FRMD4B: variants seen among roughly 807,000 people sequenced by gnomAD.
The protein encoded by FRMD4B is FERM domain-containing protein 4B.
A neutral mutation model predicts 141.5 loss-of-function variants in FRMD4B; 74 were observed. The observed-to-expected ratio is 0.52, with a 90% CI of 0.43 to 0.63. The LOEUF (loss-of-function observed/expected upper bound fraction) is 0.63. Ranked by LOEUF, FRMD4B falls within the 30% of genes least tolerant of loss-of-function variation. FRMD4B has a pLI of 0.00. For missense variants in FRMD4B, 1,366 were observed against 1,253.4 expected (o/e 1.09, Z -1.36); for synonymous variants, 506 against 467.9 (o/e 1.08, Z -1.05).
upstream of FRMD4B, among the ~76,000 whole-genome samples, chr3:69,388,429 T>C (rs986203): frequency 0.67 from 102,081 of 151,984 alleles, 34,440 homozygotes; most frequent in East Asian, 0.7. Context: ...CAGGCAGCCC[T>C]GGAATCAGAA....
At chr3:69,364,432 T>C (rs985413139) in intron 1 of FRMD4B, among the ~76,000 whole-genome samples, 1 of 152,204 alleles carries the variant, frequency 6.6e-6, no homozygotes, top group South Asian at 2.1e-4. Context: ...GCTAATGGTA[T>C]GCCAGTGGTG....
chr3:69,212,387 A>AT (rs2093094460), intron 11 of FRMD4B, among the ~76,000 whole-genome samples: 2 of 140,418 alleles, frequency 1.4e-5, no homozygotes, highest in Non-Finnish European at 3.1e-5. Flanking sequence ...AAAAGAAAAA[A>AT]AAAAAGAAAA....
At position 69,337,184 on chromosome 3, in the gene FRMD4B, T is replaced by C. The variant is rs1702584803; in HGVS notation, c.163-23667A>G. 2.6e-5 allele frequency among the ~76,000 whole-genome samples: 4 copies of C among 151,974 alleles called. No individual in the cohort carries two copies. The South Asian group carries it at 6.2e-4, about 24-fold the overall frequency. ...ACAACTATCTGATCTTTGACAAACC[T>C]GACAAAAACAAGCAATGGGGAAAGG... On this transcript the variant is annotated intron_variant, in intron 1 of 22. Transcript: ENST00000398540.
chr3:69,350,576 A>C (rs961340990), intron 1 of FRMD4B, among the ~76,000 whole-genome samples: 2 of 152,140 alleles, frequency 1.3e-5, no homozygotes, highest in Admixed American at 1.3e-4. Context: ...AACCAATCCA[A>C]ATGTCCAACA....
intron 7 of FRMD4B, among the ~76,000 whole-genome samples, chr3:69,242,778 A>G (rs1421271124): frequency 2.0e-5 from 3 of 151,148 alleles, no homozygotes; most frequent in African/African-American, 2.4e-5. Context: ...GTGGATCATG[A>G]GGTCAGGAGT....
At chr3:69,313,245 C>G (rs1033568288) in intron 2 of FRMD4B, among the ~76,000 whole-genome samples, 1 of 152,234 alleles carries the variant, frequency 6.6e-6, no homozygotes, top group Admixed American at 6.5e-5. Flanking sequence ...TATAATTACT[C>G]TAACATATGG....
At chr3:69,351,652 T>C (rs956151456) in intron 1 of FRMD4B, among the ~76,000 whole-genome samples, 3 of 152,178 alleles carry the variant, frequency 2.0e-5, no homozygotes, top group African/African-American at 2.4e-5. Context: ...AATTCAGAGA[T>C]GCTGGAAATT....
intron 2 of FRMD4B, among the ~76,000 whole-genome samples, chr3:69,414,341 G>GA (rs1011577235): frequency 1.3e-5 from 2 of 152,072 alleles, no homozygotes; most frequent in African/African-American, 2.4e-5. Context: ...CATGGGGAAG[G>GA]AAAAAAACCA....
intron 2 of FRMD4B, among the ~76,000 whole-genome samples, chr3:69,404,196 C>G (rs1472468797): frequency 6.6e-6 from 1 of 152,174 alleles, no homozygotes; most frequent in African/African-American, 2.4e-5. Context: ...TGTGCCTGGT[C>G]TCCTAAGAAT....
At position 69,171,516 on chromosome 3, in the gene FRMD4B, C is replaced by T. The variant is rs1575574855; in HGVS notation, c.*345G>A. Reference sequence around the variant, plus strand: ...TTATTGCCATGGGACATCCTGAATGCCCTTTCATGTTTTTGAGGTTTGCCT... The same window carrying T: ...TTATTGCCATGGGACATCCTGAATGTCCTTTCATGTTTTTGAGGTTTGCCT... On this transcript the variant is annotated 3_prime_UTR_variant, in exon 23 of 23. Coordinates refer to ENST00000398540, the MANE Select transcript of FRMD4B (RefSeq NM_015123.3). The T allele has an allele frequency of 1.1e-5, 2 of 185,616 alleles. No individual in the cohort carries two copies. Among genetic ancestry groups the T allele is most frequent in the East Asian group, 1.6e-4 (1 of 6,448 alleles). 11.5% of individuals were successfully genotyped at this position (185,616 alleles called of 1,614,324 possible).
At chr3:69,190,026 T>C (rs2092819381) in intron 17 of FRMD4B, 74 bp from the exon 18 acceptor site, 1 of 777,438 alleles carries the variant, frequency 1.3e-6, no homozygotes, top group Non-Finnish European at 2.2e-6. Flanking sequence ...TAAACAATTT[T>C]CAATGGAATG....
At chr3:69,416,197 T>C (rs1269411467) in intron 2 of FRMD4B, among the ~76,000 whole-genome samples, 3 of 152,214 alleles carry the variant, frequency 2.0e-5, no homozygotes, top group African/African-American at 7.2e-5. Context: ...AAAGCAGGTA[T>C]TCTCAGCTGC....
chr3:69,330,225 T>C lies in FRMD4B; in HGVS notation c.163-16708A>G, dbSNP rs1244348389. On this transcript the variant is annotated intron_variant, in intron 1 of 22. Coordinates refer to ENST00000398540, the MANE Select transcript of FRMD4B (RefSeq NM_015123.3). ...CATCTCCTGCTCTCCTTCTGAATTT[T>C]CTACCCATTTCTACTTTGAAGGTCC... 2.0e-5 allele frequency among the ~76,000 whole-genome samples: 3 copies of C among 151,788 alleles called. No homozygotes were observed. In the East Asian group the frequency reaches 5.8e-4, roughly 29 times the overall value.
chr3:69,309,376 T>C (rs1229414039), intron 3 of FRMD4B, among the ~76,000 whole-genome samples: 2 of 150,114 alleles, frequency 1.3e-5, no homozygotes, highest in Non-Finnish European at 3.0e-5. Context: ...CCTGGCCTCA[T>C]GCAATACTCC....
intron 19 of FRMD4B, 134 bp downstream of exon 19, chr3:69,187,636 C>A (rs1371228149): frequency 1.5e-6 from 1 of 673,234 alleles, no homozygotes; most frequent in Non-Finnish European, 2.3e-6. Context: ...GTTTCTATGC[C>A]CCAGTTTTAC....
intron 7 of FRMD4B, among the ~76,000 whole-genome samples, chr3:69,243,634 G>A (rs1402078530): frequency 6.6e-6 from 1 of 152,224 alleles, no homozygotes; most frequent in Admixed American, 6.5e-5. Context: ...GAACAGATCT[G>A]AGAACTCACC....
At position 69,182,736 on chromosome 3, in the gene FRMD4B, GA is replaced by G. The variant is rs1559691337; in HGVS notation, c.1920-20del. On this transcript the variant is annotated intron_variant, in intron 19 of 22. Coordinates refer to ENST00000398540, the MANE Select transcript of FRMD4B (RefSeq NM_015123.3). ...CATTTCTCTGTGATGATAAAAAGAA[GA>G]ATTCAGGAAATGATGAGTCTCTCAA... The G allele has an allele frequency of 6.2e-7, 1 of 1,609,430 alleles. No homozygotes were observed. The highest frequency in any genetic ancestry group is 1.1e-5 in the South Asian group (1 of 90,448).
At chr3:69,298,865 A>G (rs1701118994) in intron 4 of FRMD4B, among the ~76,000 whole-genome samples, 1 of 151,848 alleles carries the variant, frequency 6.6e-6, no homozygotes, top group South Asian at 2.1e-4. Flanking sequence ...GATACTTTGC[A>G]GGTTTACTTT....
chr3:69,539,249 T>G (rs948281915), intron 1 of FRMD4B, among the ~76,000 whole-genome samples: 2 of 152,214 alleles, frequency 1.3e-5, no homozygotes, highest in Non-Finnish European at 2.9e-5. Flanking sequence ...CAAAACTTTC[T>G]TTTTGTCTGC....
Sources: allele counts gnomAD v4.1 joint callset (sites outside exome capture counted in the v4.1 genomes callset), GRCh38; gene constraint gnomAD v4.1.1; transcripts MANE v1.5; gene names NCBI Gene and HGNC (gene_info 2026-07-23, HGNC 2026-07-21).